CTNNA2: variants seen among roughly 807,000 people sequenced by gnomAD.
The protein encoded by CTNNA2 is catenin alpha-2.
In CTNNA2, 42 loss-of-function variants were observed where a neutral mutation model predicts 101.0. That is an observed-to-expected ratio of 0.42 (90% confidence interval 0.32 to 0.54). CTNNA2 has a LOEUF of 0.54. Ranked by LOEUF, CTNNA2 falls within the 20% of genes least tolerant of loss-of-function variation. The probability of loss-of-function intolerance (pLI) is 0.14; values close to 1 mark genes in which losing one functional copy is unlikely to be tolerated. For synonymous variants in CTNNA2, 450 were observed against 456.4 expected, an observed-to-expected ratio of 0.99 and a Z score of 0.18; for missense variants, 871 against 1,223.1, an observed-to-expected ratio of 0.71 and a Z score of 4.29.
chr2:79,576,894 A>G (rs1558743376), intron 1 of CTNNA2, among the ~76,000 whole-genome samples: 3 of 152,164 alleles, frequency 2.0e-5, no homozygotes, highest in Admixed American at 1.3e-4. Context: ...CCTACTAAAA[A>G]CTATTCGAGC....
intron 4 of CTNNA2, among the ~76,000 whole-genome samples, chr2:79,399,460 A>G (rs910555757): frequency 1.3e-5 from 2 of 152,108 alleles, no homozygotes; most frequent in African/African-American, 2.4e-5. Flanking sequence ...TACCCAACAC[A>G]TATTGGTTCA....
chr2:80,499,493 AT>A (rs957074466), intron 9 of CTNNA2, among the ~76,000 whole-genome samples: 1,894 of 147,316 alleles, frequency 0.013, 34 homozygotes, highest in African/African-American at 0.041. Flanking sequence ...ATTGGCCTGA[AT>A]TTTTTTTTTT....
intron 9 of CTNNA2, among the ~76,000 whole-genome samples, chr2:80,499,351 CTTTG>C (rs1334204943): frequency 1.3e-5 from 2 of 152,208 alleles, no homozygotes; most frequent in Non-Finnish European, 2.9e-5. Context: ...CAAGATTCTG[CTTTG>C]TTTGTACATT....
At chr2:79,862,329 T>TG (rs971324421) in intron 4 of CTNNA2, among the ~76,000 whole-genome samples, 5 of 150,098 alleles carry the variant, frequency 3.3e-5, no homozygotes, top group African/African-American at 1.2e-4. Context: ...AATGTGGGGG[T>TG]GGGGGGCATT....
Position 80,628,291 on chromosome 2 carries a change from A to G in CTNNA2, c.2574+9063A>G, listed in dbSNP as rs192229411. On this transcript the variant is annotated intron_variant, in intron 18 of 18. Coordinates refer to ENST00000402739, the MANE Select transcript of CTNNA2 (RefSeq NM_001282597.3). Reference sequence around the variant, plus strand: ...TTTAAATTTCATGTGGAACCAAAAAAGAGCCCACATAGCCAAGACAATCCT... The same window carrying G: ...TTTAAATTTCATGTGGAACCAAAAAGGAGCCCACATAGCCAAGACAATCCT... Among the ~76,000 whole-genome samples the G allele has an allele frequency of 3.9e-5, 6 of 152,210 alleles. No homozygotes were observed. The East Asian group carries it at 9.7e-4, about 25-fold the overall frequency.
At chr2:79,331,065 T>C (rs1048047614) in intron 3 of CTNNA2, among the ~76,000 whole-genome samples, 10 of 152,174 alleles carry the variant, frequency 6.6e-5, no homozygotes, top group Admixed American at 5.2e-4. Context: ...CTATGTAGCA[T>C]TTTGCCAGTA....
chr2:79,625,834 T>C (rs890584267), intron 1 of CTNNA2, among the ~76,000 whole-genome samples: 1 of 152,194 alleles, frequency 6.6e-6, no homozygotes. Flanking sequence ...TGTTGTGATA[T>C]AGATAAATTG....
At chr2:79,963,903 G>T (rs1322805708) in intron 7 of CTNNA2, among the ~76,000 whole-genome samples, 1 of 152,136 alleles carries the variant, frequency 6.6e-6, no homozygotes, top group Non-Finnish European at 1.5e-5. Context: ...GTCTAGCCAT[G>T]TTTCTATTTC....
rs1401247600 is a variant in CTNNA2, at chr2:79,745,135, A to G, written c.298+553A>G. ...TTGATCTGTATAAAATATACAACATAAAGTTCTAACTACGGCCGGGTGCGG... is the reference window on the plus strand; with the variant it reads ...TTGATCTGTATAAAATATACAACATGAAGTTCTAACTACGGCCGGGTGCGG... On this transcript the variant is annotated intron_variant, in intron 3 of 18. Coordinates refer to ENST00000402739, the MANE Select transcript of CTNNA2 (RefSeq NM_001282597.3). 3.3e-5 allele frequency among the ~76,000 whole-genome samples: 5 copies of G among 152,306 alleles called. No homozygotes were observed. The East Asian group carries it at 5.8e-4, about 18-fold the overall frequency.
intron 2 of CTNNA2, among the ~76,000 whole-genome samples, chr2:79,734,433 T>G (rs983765111): frequency 6.6e-6 from 1 of 152,046 alleles, no homozygotes; most frequent in Non-Finnish European, 1.5e-5. Context: ...AAGAGAAAAA[T>G]TAAGTTCTAT....
At chr2:79,918,251 T>G (rs61283907) in intron 7 of CTNNA2, among the ~76,000 whole-genome samples, 12,669 of 152,228 alleles carry the variant, frequency 0.083, 591 homozygotes, top group African/African-American at 0.097. Flanking sequence ...ATGAATGAAC[T>G]CATAGGAATG....
chr2:80,181,481 T>C (rs941269696), intron 7 of CTNNA2, among the ~76,000 whole-genome samples: 1 of 152,186 alleles, frequency 6.6e-6, no homozygotes, highest in African/African-American at 2.4e-5. Flanking sequence ...TAGACACCTA[T>C]TGAGGCTACC....
intron 4 of CTNNA2, among the ~76,000 whole-genome samples, chr2:79,404,740 G>A (rs1251284596): frequency 1.3e-5 from 2 of 152,042 alleles, no homozygotes; most frequent in Non-Finnish European, 2.9e-5. Flanking sequence ...TGATAATCTA[G>A]TGGAAATATG....
At chr2:79,714,567 T>G (rs1685950015) in intron 2 of CTNNA2, among the ~76,000 whole-genome samples, 1 of 152,182 alleles carries the variant, frequency 6.6e-6, no homozygotes, top group South Asian at 2.1e-4. Context: ...ATTCCATGTG[T>G]GTCTCAATGC....
At chr2:79,433,064 C>T (rs781712485) in intron 4 of CTNNA2, among the ~76,000 whole-genome samples, 5 of 152,114 alleles carry the variant, frequency 3.3e-5, no homozygotes, top group Non-Finnish European at 5.9e-5. Flanking sequence ...GCATGTGGTG[C>T]GAGGGAAATG....
At chr2:80,516,989 A>G (rs898473727) in intron 9 of CTNNA2, among the ~76,000 whole-genome samples, 2 of 152,100 alleles carry the variant, frequency 1.3e-5, no homozygotes, top group Non-Finnish European at 2.9e-5. Flanking sequence ...CTAAGTTCCA[A>G]TTGCTTTCTC....
chr2:80,147,068 C>T (rs748835059), intron 7 of CTNNA2, among the ~76,000 whole-genome samples: 1 of 151,572 alleles, frequency 6.6e-6, no homozygotes, highest in Non-Finnish European at 1.5e-5. Flanking sequence ...TGGGTTCAAG[C>T]GATTCTCCTG....
At chr2:80,399,093 G>A (rs1412476995) in intron 8 of CTNNA2, among the ~76,000 whole-genome samples, 12 of 112,866 alleles carry the variant, frequency 1.1e-4, no homozygotes, top group Admixed American at 6.5e-4. Flanking sequence ...TTTTTTTTTA[G>A]CAGAGACAGA....
At chr2:79,291,089 C>CA (rs1675795085) in intron 2 of CTNNA2, among the ~76,000 whole-genome samples, 1 of 152,176 alleles carries the variant, frequency 6.6e-6, no homozygotes, top group Admixed American at 6.5e-5. Flanking sequence ...ACTGAAGACA[C>CA]CAGCCACTCC....
Sources: gnomAD v4.1 joint callset for allele counts (sites outside exome capture counted in the v4.1 genomes callset) on GRCh38, gnomAD v4.1.1 for gene constraint, MANE v1.5 for transcripts, NCBI Gene and HGNC (gene_info 2026-07-23, HGNC 2026-07-21) for gene names.